ABCA13: variants seen among roughly 807,000 people sequenced by gnomAD.
The protein encoded by ABCA13 is ATP-binding cassette sub-family A member 13.
A neutral mutation model predicts 478.7 loss-of-function variants in ABCA13; 476 were observed. The observed-to-expected ratio is 0.99, with a 90% CI of 0.92 to 1.07. The LOEUF (loss-of-function observed/expected upper bound fraction) is 1.07. Among genes scored for constraint, ABCA13 ranks in the 50% least tolerant of loss-of-function variants. ABCA13 has a pLI of 0.00. For synonymous variants in ABCA13, 2,252 were observed against 2,158.9 expected, an observed-to-expected ratio of 1.04 and a Z score of -1.20; for missense variants, 6,060 against 5,910.6, an observed-to-expected ratio of 1.03 and a Z score of -0.83.
At chr7:48,446,229 T>C (rs1372741315) in intron 42 of ABCA13, among the ~76,000 whole-genome samples, 1 of 152,134 alleles carries the variant, frequency 6.6e-6, no homozygotes, top group Non-Finnish European at 1.5e-5. Flanking sequence ...GCACCCCAAG[T>C]TCCTTGATTT....
intron 3 of ABCA13, among the ~76,000 whole-genome samples, 158 bp from the exon 4 acceptor site, chr7:48,219,196 G>T (rs1786961719): frequency 6.6e-6 from 1 of 152,116 alleles, no homozygotes; most frequent in Non-Finnish European, 1.5e-5. Context: ...TTCTCTTTTG[G>T]ATGAGGGTCA....
intron 55 of ABCA13, among the ~76,000 whole-genome samples, chr7:48,545,847 A>G (rs1179209578): frequency 6.6e-6 from 1 of 151,870 alleles, no homozygotes; most frequent in Non-Finnish European, 1.5e-5. Flanking sequence ...AAAAAATATG[A>G]AAATGAAATT....
chr7:48,261,673 GT>G (rs148222302), intron 15 of ABCA13, among the ~76,000 whole-genome samples: 6,680 of 151,778 alleles, frequency 0.044, 369 homozygotes, highest in African/African-American at 0.13. Flanking sequence ...CATTAAAATA[GT>G]TTTTTTGTTC....
Position 48,392,032 on chromosome 7 carries a change from G to A in ABCA13, c.11766G>A (p.Gln3922=). ...RVRMELGVCP[Q]QDILLDNLTV... is the part of the protein sequence containing the mutation. ...GAATGGAGCTTGGTGTGTGTCCGCA[G>A]CAGGACATCCTGTTGGACAACCTCA... The change falls in exon 38 of 62, where the codon CAG becomes CAA. Residue 3922 remains glutamine, a synonymous_variant. Transcript: ENST00000435803. 6.2e-7 allele frequency: 1 copy of A among 1,614,020 alleles called. No individual in the cohort carries two copies. The highest frequency in any genetic ancestry group is 1.1e-5 in the South Asian group (1 of 91,092).
At chr7:48,561,448 C>T (rs57178686) in intron 55 of ABCA13, among the ~76,000 whole-genome samples, 107 of 152,138 alleles carry the variant, frequency 7.0e-4, no homozygotes, top group African/African-American at 1.7e-3. Context: ...AAATGTAAAG[C>T]GATATCTCAT....
chr7:48,444,347 C>T (rs1282975051), intron 42 of ABCA13, among the ~76,000 whole-genome samples: 5 of 152,264 alleles, frequency 3.3e-5, no homozygotes, highest in East Asian at 1.9e-4. Context: ...ACTTGAGCCT[C>T]GGTCAACTCA....
At chr7:48,508,135 G>T (rs1295836577) in intron 50 of ABCA13, 86 bp downstream of exon 50, 3 of 1,557,490 alleles carry the variant, frequency 1.9e-6, no homozygotes, top group Non-Finnish European at 2.6e-6. Context: ...GGGCATTGGG[G>T]CCCTGGCTGC....
At chr7:48,580,147 A>T (rs1031645733) in intron 55 of ABCA13, 77 bp from the exon 56 acceptor site, 11 of 1,427,098 alleles carry the variant, frequency 7.7e-6, no homozygotes, top group Non-Finnish European at 1.0e-5. Flanking sequence ...CTTGTTATTG[A>T]TGAGCCACAT....
At chr7:48,384,684 C>T (rs919917484) in intron 35 of ABCA13, among the ~76,000 whole-genome samples, 1 of 152,154 alleles carries the variant, frequency 6.6e-6, no homozygotes, top group Non-Finnish European at 1.5e-5. Context: ...TCTTGGAGGA[C>T]ACCTGCCTGC....
At chr7:48,290,532 C>A (rs748720307) in intron 20 of ABCA13, among the ~76,000 whole-genome samples, 2 of 152,270 alleles carry the variant, frequency 1.3e-5, no homozygotes, top group Middle Eastern at 3.4e-3. Flanking sequence ...AATTTTTCTT[C>A]CGGTAGTCCT....
chr7:48,426,980 G>A (rs1360666420), intron 41 of ABCA13, among the ~76,000 whole-genome samples: 1 of 152,188 alleles, frequency 6.6e-6, no homozygotes, highest in Admixed American at 6.5e-5. Context: ...AACTCCAGCA[G>A]TTAGGACTGT....
rs115258505 is a variant in ABCA13, at chr7:48,597,483, C to A, written c.14744+2670C>A. Among the ~76,000 whole-genome samples, 720 of 152,242 alleles carry A rather than the reference C, an allele frequency of 4.7e-3. 6 individuals are homozygous for A. The highest frequency in any genetic ancestry group is 0.016 in the African/African-American group (677 of 41,554). On this transcript the variant is annotated intron_variant, in intron 58 of 61. Coordinates refer to ENST00000435803, the MANE Select transcript of ABCA13 (RefSeq NM_152701.5). ...TTAATTTTTTTAGATTTTTCTGAGT[C>A]AAGTTGCTAGATTGAATAGTAAGTT...
At chr7:48,530,332 A>T (rs576688624) in intron 55 of ABCA13, among the ~76,000 whole-genome samples, 1 of 151,892 alleles carries the variant, frequency 6.6e-6, no homozygotes, top group South Asian at 2.1e-4. Context: ...ATATACACAT[A>T]TACATATATA....
Position 48,372,256 on chromosome 7 carries a change from C to T in ABCA13, c.10892C>T (p.Thr3631Ile), listed in dbSNP as rs748247423. Residue 3631 changes from threonine (T) to isoleucine (I), a missense_variant, in exon 33 of 62, where the codon ACT becomes ATT. This residue lies in a region of ABCA13 where 4,423 missense variants were observed against 4,309.1 expected (regional missense o/e 1.03). Transcript: ENST00000435803. ...GCTGTGTTGACCATAAGCAGTGCTA[C>T]TCTGGCCATCGTTCTGAAAACAAGT... is the stretch of plus-strand genomic sequence containing the variant. ...NMAVLTISSA[T>I]LAIVLKTSGI... is the part of the protein sequence containing the mutation. 6.2e-7 allele frequency: 1 copy of T among 1,613,854 alleles called. No homozygotes were observed.
intron 48 of ABCA13, among the ~76,000 whole-genome samples, chr7:48,503,689 A>C (rs1459864428): frequency 6.6e-6 from 1 of 152,178 alleles, no homozygotes; most frequent in African/African-American, 2.4e-5. Flanking sequence ...GTATCCACTC[A>C]TTTATCAACA....
intron 20 of ABCA13, among the ~76,000 whole-genome samples, chr7:48,289,109 G>A (rs745729032): frequency 1.1e-4 from 17 of 152,186 alleles, no homozygotes; most frequent in Non-Finnish European, 2.4e-4. Context: ...CATGGCAAGG[G>A]TGTCGAATGC....
At chr7:48,606,728 G>A (rs1044918300) in intron 58 of ABCA13, among the ~76,000 whole-genome samples, 24 of 152,182 alleles carry the variant, frequency 1.6e-4, no homozygotes, top group Non-Finnish European at 2.5e-4. Context: ...GTCCCTTATC[G>A]GAGCTCGAAC....
At chr7:48,461,995 G>A (rs558591853) in intron 43 of ABCA13, among the ~76,000 whole-genome samples, 15 of 151,164 alleles carry the variant, frequency 9.9e-5, no homozygotes, top group African/African-American at 3.2e-4. Context: ...CTTGGTGCAG[G>A]GGTTGTGCAT....
At position 48,455,279 on chromosome 7, in the gene ABCA13, T is replaced by C; in HGVS notation, c.12808T>C (p.Phe4270Leu). The stretch of plus-strand genomic sequence containing the variant: ...ACATTACCAGCGGGCCGAGACCTAC[T>C]TTTTCAGGTAAGTTGTTTTTGTTCC... The part of the protein sequence containing the change: ...PGHYQRAETY[F>L]FSSGGDNLDL... The change falls in exon 43 of 62, where the codon TTT becomes CTT. Residue 4270 changes from phenylalanine (F) to leucine (L), a missense_variant. Phe to Leu is a conservative substitution (Grantham distance 22, BLOSUM62 0). Coordinates refer to ENST00000435803, the MANE Select transcript of ABCA13 (RefSeq NM_152701.5). The C allele has an allele frequency of 6.2e-7, 1 of 1,602,518 alleles. No homozygotes were observed.
Sources: allele counts gnomAD v4.1 joint callset (sites outside exome capture counted in the v4.1 genomes callset), GRCh38; gene constraint gnomAD v4.1.1; regional missense constraint gnomAD v4.1.1; transcripts MANE v1.5; gene names NCBI Gene and HGNC (gene_info 2026-07-23, HGNC 2026-07-21).